FBRSL1: variants seen among roughly 807,000 people sequenced by gnomAD.
FBRSL1 encodes fibrosin like 1.
In FBRSL1, 51 loss-of-function variants were observed where a neutral mutation model predicts 89.6. The ratio of observed to expected loss-of-function variants is 0.57; its 90% CI spans 0.45 to 0.72. FBRSL1 has a LOEUF of 0.72. FBRSL1 is among the 30% of genes least tolerant of loss of function. The pLI is 0.00. For synonymous variants in FBRSL1, 779 were observed against 681.1 expected, an observed-to-expected ratio of 1.14 and a Z score of -2.24; for missense variants, 1,618 against 1,451.8, an observed-to-expected ratio of 1.11 and a Z score of -1.86.
intron 4 of FBRSL1, among the ~76,000 whole-genome samples, chr12:132,542,864 GC>G (rs2137231823): frequency 6.6e-6 from 1 of 152,378 alleles, no homozygotes; most frequent in South Asian, 2.1e-4. Context: ...ATTAACACTT[GC>G]ACTGGGAAGG....
chr12:132,581,742 C>T lies in FBRSL1; in HGVS notation c.1914C>T (p.Asp638=). Residue 638 remains aspartate (D), a splice_region_variant and synonymous_variant, in exon 17 of 19, where the codon GAC becomes GAT. Coordinates refer to ENST00000680143, the MANE Select transcript of FBRSL1 (RefSeq NM_001367871.1). The part of the protein sequence containing the change: ...GSFLPTGPLT[D]PFSRPSTFGG... ...TGGGTCCCGCGGTTGCCCCCACAGA[C>T]CCTTTCAGCAGACCGAGCACCTTTG... The T allele has an allele frequency of 2.6e-6, 4 of 1,550,174 alleles. No individual in the cohort carries two copies. The highest frequency in any genetic ancestry group is 1.2e-5 in the South Asian group (1 of 84,058).
In FBRSL1 at chr12:132,582,144, G is replaced by A. The variant is rs1250949431; in HGVS notation, c.2079G>A (p.Leu693=). The change falls in exon 18 of 19, where the codon CTG becomes CTA. Residue 693 remains leucine, a synonymous_variant. Coordinates refer to ENST00000680143, the MANE Select transcript of FBRSL1 (RefSeq NM_001367871.1). The part of the protein sequence containing the change: ...LPSPHEAWNR[L]HRAPPSFPAP... ...GCCCCCATGAGGCCTGGAACCGACT[G>A]CACCGGGCACCGCCCTCCTTCCCGG... 1 of 1,549,974 alleles carries A rather than the reference G, an allele frequency of 6.5e-7. No individual in the cohort carries two copies. Among genetic ancestry groups the A allele is most frequent in the Non-Finnish European group, 8.7e-7 (1 of 1,146,786 alleles).
rs1566251155 is a variant in FBRSL1 at position 132,581,756 on chromosome 12, CGAGCACCTTTGGGGGCCTGGGCAGCCT to C, written c.1934_1960del (p.Thr645_Ser653del). 6.5e-7 allele frequency: 1 copy of C among 1,550,122 alleles called. No homozygotes were observed. Among genetic ancestry groups the C allele is most frequent in the Admixed American group, 2.0e-5 (1 of 50,992 alleles). On this transcript the variant is annotated inframe_deletion, in exon 17 of 19. Transcript: ENST00000680143. ...GCCCCCACAGACCCTTTCAGCAGAC[CGAGCACCTTTGGGGGCCTGGGCAGCCT>C]GAGCAGCCACGCCTTTGGGGGCCTG...
chr12:132,550,354 G>A (rs1166575236), intron 5 of FBRSL1, among the ~76,000 whole-genome samples: 1 of 152,184 alleles, frequency 6.6e-6, no homozygotes, highest in Non-Finnish European at 1.5e-5. Flanking sequence ...CAAACACTGA[G>A]TCCCCGTGAT....
At chr12:132,510,721 C>T in intron 2 of FBRSL1, 3 of 1,213,308 alleles carry the variant, frequency 2.5e-6, no homozygotes, top group Non-Finnish European at 3.1e-6. Context: ...CGCCATGCTC[C>T]CTCTCCCCCC....
At chr12:132,544,754 T>C (rs1487513051) in intron 4 of FBRSL1, among the ~76,000 whole-genome samples, 2 of 151,536 alleles carry the variant, frequency 1.3e-5, no homozygotes, top group African/African-American at 4.9e-5. Flanking sequence ...ACAATGGTGA[T>C]AGTGATTATG....
At chr12:132,548,293 G>A (rs1398744849) in intron 5 of FBRSL1, among the ~76,000 whole-genome samples, 1 of 152,180 alleles carries the variant, frequency 6.6e-6, no homozygotes, top group East Asian at 1.9e-4. Context: ...TGCTGCCCCA[G>A]CCAGGAGGGT....
intron 2 of FBRSL1, among the ~76,000 whole-genome samples, chr12:132,524,786 A>G (rs1452190274): frequency 6.6e-6 from 1 of 152,208 alleles, no homozygotes; most frequent in Non-Finnish European, 1.5e-5. Flanking sequence ...GGCGCTGGCC[A>G]GCAGGAGCTC....
rs189505215 is a variant in FBRSL1, at chr12:132,555,262, G to A, written c.645+7230G>A. The stretch of plus-strand genomic sequence containing the variant: ...GGAGTGTAGCTGTGGTGTATCTCTG[G>A]AGGGGGGTCACGGCTTTCTCTGGCA... On this transcript the variant is annotated intron_variant, in intron 5 of 18. Coordinates refer to ENST00000680143, the MANE Select transcript of FBRSL1 (RefSeq NM_001367871.1). Among the ~76,000 whole-genome samples the A allele has an allele frequency of 3.0e-3, 452 of 152,050 alleles. 1 individual carries two copies. Among genetic ancestry groups the A allele is most frequent in the African/African-American group, 8.7e-3 (361 of 41,372 alleles).
chr12:132,577,788 CCA>C (rs1419346194), intron 15 of FBRSL1, among the ~76,000 whole-genome samples: 1 of 152,266 alleles, frequency 6.6e-6, no homozygotes, highest in Non-Finnish European at 1.5e-5. Context: ...GAAGTTCAAC[CCA>C]CAGTGTGGGA....
In FBRSL1 at chr12:132,525,718, T is replaced by A; in HGVS notation, c.490-16T>A. 1 of 1,535,898 alleles carries A rather than the reference T, an allele frequency of 6.5e-7. No homozygotes were observed. The highest frequency in any genetic ancestry group is 8.8e-7 in the Non-Finnish European group (1 of 1,133,970). On this transcript the variant is annotated splice_polypyrimidine_tract_variant and intron_variant, in intron 2 of 18. Transcript: ENST00000680143. ...AGGTGGGGGTTTGCCTGAGACAGTG[T>A]CTCTCTCTGTCCCAGATGAAGGTCA...
In FBRSL1 at chr12:132,564,048, G is replaced by A. The variant is rs115834849; in HGVS notation, c.646-3433G>A. 9.8e-3 allele frequency among the ~76,000 whole-genome samples: 1,494 copies of A among 152,158 alleles called. 22 individuals carry two copies. Among genetic ancestry groups the A allele is most frequent in the African/African-American group, 0.034 (1,423 of 41,454 alleles). On this transcript the variant is annotated intron_variant, in intron 5 of 18. Coordinates refer to ENST00000680143, the MANE Select transcript of FBRSL1 (RefSeq NM_001367871.1). ...GCCGCGCTCACGGTCACACGGCTGC[G>A]TGCTCTTTGTGGTCTGGCTTTGGCT... is the stretch of plus-strand genomic sequence containing the variant.
At chr12:132,577,094 T>C (rs775427576) in intron 15 of FBRSL1, among the ~76,000 whole-genome samples, 163 bp downstream of exon 15, 21 of 152,116 alleles carry the variant, frequency 1.4e-4, no homozygotes, top group Non-Finnish European at 2.4e-4. Flanking sequence ...GGCAACTCCC[T>C]CACCTCACCC....
intron 4 of FBRSL1, among the ~76,000 whole-genome samples, 152 bp from the exon 5 acceptor site, chr12:132,547,851 G>A (rs2037829068): frequency 1.3e-5 from 2 of 152,124 alleles, no homozygotes; most frequent in African/African-American, 2.4e-5. Context: ...CCTCCTAACC[G>A]CCCCGACCAC....
intron 15 of FBRSL1, among the ~76,000 whole-genome samples, chr12:132,578,343 T>TCTCTCACACACACACACACACACACACA (rs147345475): frequency 2.8e-5 from 4 of 141,008 alleles, no homozygotes; most frequent in South Asian, 2.4e-4. Context: ...AGACCCTGTC[T>TCTCTCACACACACACACACACACACACA]CACACACACA....
At chr12:132,540,679 T>C (rs541256026) in intron 4 of FBRSL1, among the ~76,000 whole-genome samples, 2 of 152,234 alleles carry the variant, frequency 1.3e-5, no homozygotes, top group African/African-American at 4.8e-5. Flanking sequence ...GTGTGGCGCC[T>C]GCTCTGGGCT....
At chr12:132,507,461 G>T in intron 1 of FBRSL1, 1 of 980,682 alleles carries the variant, frequency 1.0e-6, no homozygotes, top group Non-Finnish European at 1.2e-6. Context: ...TCCACCGGCA[G>T]GGCGGAGGCT....
In FBRSL1 at chr12:132,499,435, C is replaced by T. The variant is rs1454621112; in HGVS notation, c.291+8574C>T. On this transcript the variant is annotated intron_variant, in intron 1 of 18. Transcript: ENST00000680143. This position sits in a 1 kb window ranked among gnomAD's most constrained non-coding sequence, Gnocchi z 4.3. ...AGACTTTATAAGCATTTATTGAGCA[C>T]CGGCTGTGTGCCAGGCCCTGGGCCG... is the stretch of plus-strand genomic sequence containing the variant. Among the ~76,000 whole-genome samples, 1 of 152,214 alleles carries T rather than the reference C, an allele frequency of 6.6e-6. No individual in the cohort carries two copies. The highest frequency in any genetic ancestry group is 2.4e-5 in the African/African-American group (1 of 41,454).
chr12:132,571,780 C>T (rs1292356955), intron 9 of FBRSL1: 3 of 340,782 alleles, frequency 8.8e-6, no homozygotes, highest in African/African-American at 4.4e-5. Flanking sequence ...GGGACACCCT[C>T]ACGCCTGCAC....
Sources: allele counts gnomAD v4.1 joint callset (sites outside exome capture counted in the v4.1 genomes callset), GRCh38; gene constraint gnomAD v4.1.1; non-coding constraint Gnocchi (gnomAD v3.1); transcripts MANE v1.5; gene names NCBI Gene and HGNC (gene_info 2026-07-23, HGNC 2026-07-21).